FAAP24: variants seen among roughly 807,000 people sequenced by gnomAD.
FAAP24 encodes FA core complex associated protein 24.
In FAAP24, 16 loss-of-function variants were observed where a neutral mutation model predicts 14.3. The ratio of observed to expected loss-of-function variants is 1.12; its 90% CI spans 0.76 to 1.69. The LOEUF (loss-of-function observed/expected upper bound fraction) is 1.69, where lower values mean the gene tolerates loss of function less well. Among genes scored for constraint, FAAP24 ranks in the 40% most tolerant of loss-of-function variants. FAAP24 has a pLI of 0.00. For missense variants in FAAP24, 234 were observed against 262.7 expected, an observed-to-expected ratio of 0.89 and a Z score of 0.75; for synonymous variants, 111 against 106.2, an observed-to-expected ratio of 1.04 and a Z score of -0.28.
At chr19:32,974,708 G>A (rs1397654637) in intron 4 of FAAP24, among the ~76,000 whole-genome samples, 2 of 152,042 alleles carry the variant, frequency 1.3e-5, no homozygotes, top group Non-Finnish European at 2.9e-5. Context: ...CACCTGAACT[G>A]AGGAGGTGGA....
chr19:32,974,442 G>A (rs1374908457), intron 4 of FAAP24, among the ~76,000 whole-genome samples: 1 of 152,160 alleles, frequency 6.6e-6, no homozygotes, highest in African/African-American at 2.4e-5. Context: ...AGATTCTCAG[G>A]GTGTGATGGC....
In FAAP24 at chr19:32,976,476, A is replaced by T; in HGVS notation, c.442A>T (p.Lys148Ter). The T allele has an allele frequency of 6.2e-7, 1 of 1,614,192 alleles. No individual in the cohort carries two copies. Among genetic ancestry groups the T allele is most frequent in the East Asian group, 2.2e-5 (1 of 44,878 alleles). The change falls in exon 5 of 5, where the codon AAG becomes TAG. Residue 148 changes from lysine to a stop codon, truncating the protein, a stop_gained. Coordinates refer to ENST00000588258, the MANE Select transcript of FAAP24 (RefSeq NM_152266.5). LOFTEE classifies it high-confidence loss of function. ...KEPSKNPLLG[K>*]KRALLLSEPS... ...GCCCAGTAAGAACCCTCTTCTCGGG[A>T]AGAAACGGGCCCTGCTGCTGTCTGA...
At chr19:32,974,659 A>T (rs1339749083) in intron 4 of FAAP24, among the ~76,000 whole-genome samples, 1 of 151,878 alleles carries the variant, frequency 6.6e-6, no homozygotes, top group East Asian at 2.0e-4. Flanking sequence ...TGGTGGGTGC[A>T]TGTAATCCCA....
At chr19:32,974,315 G>T in intron 4 of FAAP24, 103 bp downstream of exon 4, 2 of 1,371,422 alleles carry the variant, frequency 1.5e-6, no homozygotes, top group Non-Finnish European at 9.8e-7. Context: ...TCTCTGACTT[G>T]GTTTATAAAA....
intron 1 of FAAP24, among the ~76,000 whole-genome samples, chr19:32,972,715 C>CTTTTTTTTTTTTT (rs56020597): frequency 4.0e-5 from 4 of 100,746 alleles, no homozygotes; most frequent in Non-Finnish European, 8.3e-5. Flanking sequence ...TTTTTCTTTT[C>CTTTTTTTTTTTTT]TTTTTTTTTT....
At chr19:32,972,710 C>CT (rs377681596) in intron 1 of FAAP24, among the ~76,000 whole-genome samples, 26 of 128,590 alleles carry the variant, frequency 2.0e-4, no homozygotes, top group East Asian at 9.4e-4. Context: ...TTTTCTTTTT[C>CT]TTTTCTTTTT....
intron 3 of FAAP24, 101 bp downstream of exon 3, chr19:32,973,663 T>C: frequency 8.2e-7 from 1 of 1,222,690 alleles, no homozygotes; most frequent in Non-Finnish European, 1.2e-6. Context: ...GAGACCAGCC[T>C]GGCCAACATG....
chr19:32,975,585 G>A (rs1265047900), intron 4 of FAAP24, among the ~76,000 whole-genome samples: 2 of 150,252 alleles, frequency 1.3e-5, no homozygotes, highest in Admixed American at 6.7e-5. Flanking sequence ...TCAGCCTCCC[G>A]AGTAGCTGGA....
chr19:32,974,613 G>A (rs556959920), intron 4 of FAAP24, among the ~76,000 whole-genome samples: 10 of 152,058 alleles, frequency 6.6e-5, no homozygotes, highest in East Asian at 3.9e-4. Flanking sequence ...GCAAAACCCT[G>A]TCTCTACTAA....
Position 32,974,315 on chromosome 19 carries a change from G to C in FAAP24, c.396+103G>C, listed in dbSNP as rs2145990502. 10 of 1,371,422 alleles carry C rather than the reference G, an allele frequency of 7.3e-6. No homozygotes were observed. In the South Asian group the frequency reaches 1.2e-4, roughly 16 times the overall value. 85.0% of individuals were successfully genotyped at this position (1,371,422 alleles called of 1,614,324 possible). On this transcript the variant is annotated intron_variant, in intron 4 of 4. Transcript: ENST00000588258. ...TCCAATCTATGTCATTCTCTGACTT[G>C]GTTTATAAAATCTCTTCGAGGAATT...
At chr19:32,972,606 G>A (rs545533353) in intron 1 of FAAP24, among the ~76,000 whole-genome samples, 1 of 151,722 alleles carries the variant, frequency 6.6e-6, no homozygotes, top group African/African-American at 2.4e-5. Context: ...AAATCTGATC[G>A]TGCCTCTGGC....
chr19:32,976,711 T>G lies in FAAP24; in HGVS notation c.*29T>G, dbSNP rs1971523350. 1.2e-6 allele frequency: 2 copies of G among 1,607,534 alleles called. No individual in the cohort carries two copies. Among genetic ancestry groups the G allele is most frequent in the South Asian group, 2.2e-5 (2 of 90,886 alleles). On this transcript the variant is annotated 3_prime_UTR_variant, in exon 5 of 5. Coordinates refer to ENST00000588258, the MANE Select transcript of FAAP24 (RefSeq NM_152266.5). ...CTGGCCTCAGGGCCACGGCATCTTC[T>G]CCTGAGACCACAAACACCAGGATCT...
intron 4 of FAAP24, among the ~76,000 whole-genome samples, chr19:32,975,120 C>T (rs937041218): frequency 3.3e-5 from 5 of 150,518 alleles, no homozygotes; most frequent in African/African-American, 1.2e-4. Context: ...GATCCGCCCA[C>T]CTTGGCCTCC....
At chr19:32,974,350 A>G (rs1971489533) in intron 4 of FAAP24, 138 bp downstream of exon 4, 5 of 1,016,636 alleles carry the variant, frequency 4.9e-6, no homozygotes, top group Non-Finnish European at 5.6e-6. Context: ...TTAAATGCGG[A>G]AGCTGCCTCT....
In FAAP24 at chr19:32,977,717, C is replaced by A. The variant is rs545907898; in HGVS notation, c.*1035C>A. On this transcript the variant is annotated 3_prime_UTR_variant, in exon 5 of 5. Coordinates refer to ENST00000588258, the MANE Select transcript of FAAP24 (RefSeq NM_152266.5). Reference sequence around the variant, plus strand: ...GGGTGAATCACAAGGTCAGGAGATCCAGACCATCCTGGCCGACATGGTGAA... The same window carrying A: ...GGGTGAATCACAAGGTCAGGAGATCAAGACCATCCTGGCCGACATGGTGAA... The A allele has an allele frequency of 6.3e-6, 2 of 315,198 alleles. No individual in the cohort carries two copies. Among genetic ancestry groups the A allele is most frequent in the Non-Finnish European group, 1.1e-5 (2 of 174,776 alleles). 19.5% of individuals were successfully genotyped at this position (315,198 alleles called of 1,614,324 possible). A position where few individuals can be genotyped will look rare whatever the true frequency, so the allele number is the denominator to read the frequency against.
In FAAP24 at chr19:32,977,576, A is replaced by G. The variant is rs4805840; in HGVS notation, c.*894A>G. ...TGTACAGTTTGTTTATAATCACTGCATATGTCTTCTGCACACAGAAAGTAT... is the reference window on the plus strand; with the variant it reads ...TGTACAGTTTGTTTATAATCACTGCGTATGTCTTCTGCACACAGAAAGTAT... On this transcript the variant is annotated 3_prime_UTR_variant, in exon 5 of 5. Transcript: ENST00000588258. 356,119 of 397,254 alleles carry G rather than the reference A, an allele frequency of 0.9. 159,980 individuals carry two copies. The highest frequency in any genetic ancestry group is 0.98 in the African/African-American group (47,624 of 48,654). 24.6% of individuals were successfully genotyped at this position (397,254 alleles called of 1,614,324 possible).
rs113031912 is a variant in FAAP24 at position 32,977,691 on chromosome 19, G to A, written c.*1009G>A. On this transcript the variant is annotated 3_prime_UTR_variant, in exon 5 of 5. Coordinates refer to ENST00000588258, the MANE Select transcript of FAAP24 (RefSeq NM_152266.5). ...ATCCCAGCACTTTGGGAGGCCAAGG[G>A]GGGTGAATCACAAGGTCAGGAGATC... 79 of 342,298 alleles carry A rather than the reference G, an allele frequency of 2.3e-4. No individual in the cohort carries two copies. Among genetic ancestry groups the A allele is most frequent in the East Asian group, 1.0e-3 (23 of 22,564 alleles). 21.2% of individuals were successfully genotyped at this position (342,298 alleles called of 1,614,324 possible).
At chr19:32,972,510 C>T (rs1299960401) in intron 1 of FAAP24, 164 bp downstream of exon 1, 2 of 388,984 alleles carry the variant, frequency 5.1e-6, no homozygotes, top group Non-Finnish European at 9.1e-6. Context: ...CTCCTGGGCA[C>T]AAGCGATCCT....
rs377681596 is a variant in FAAP24, at chr19:32,972,710, C to CTTTTTTTT, written c.-14+368_-14+369insTTTTTTTT. Among the ~76,000 whole-genome samples, 38 of 128,582 alleles carry CTTTTTTTT rather than the reference C, an allele frequency of 3.0e-4. 1 individual carries two copies. The highest frequency in any genetic ancestry group is 4.4e-3 in the Middle Eastern group (1 of 228). The allele number at this position is 128,582 out of a possible 152,430, so 84.4% of individuals were successfully genotyped here. ...ATTCAGGCCTTTGTGTTTTCTTTTT[C>CTTTTTTTT]TTTTCTTTTTTTTTTTTTTTTTTGA... On this transcript the variant is annotated intron_variant, in intron 1 of 4. Transcript: ENST00000588258.
Sources: gnomAD v4.1 joint callset for allele counts (sites outside exome capture counted in the v4.1 genomes callset) on GRCh38, gnomAD v4.1.1 for gene constraint, MANE v1.5 for transcripts, NCBI Gene and HGNC (gene_info 2026-07-23, HGNC 2026-07-21) for gene names.